The following WDR31 variants were observed in gnomAD, a reference collection of about 807,000 sequenced individuals.
WDR31 encodes the protein WD repeat domain 31.
Under a neutral mutation model 47.3 loss-of-function variants are expected in WDR31, and 30 were observed. The observed-to-expected ratio is 0.63, with a 90% CI of 0.47 to 0.86. The LOEUF (loss-of-function observed/expected upper bound fraction) is 0.86. Ranked by LOEUF, WDR31 falls within the 40% of genes least tolerant of loss-of-function variation. WDR31 has a pLI of 0.00. For missense variants in WDR31, 406 were observed against 442.9 expected, an observed-to-expected ratio of 0.92 and a Z score of 0.75; for synonymous variants, 137 against 159.4, an observed-to-expected ratio of 0.86 and a Z score of 1.06.
chr9:113,325,069 C>G (rs1187068856), intron 5 of WDR31, among the ~76,000 whole-genome samples: 1 of 151,976 alleles, frequency 6.6e-6, no homozygotes, highest in Non-Finnish European at 1.5e-5. Flanking sequence ...TCTCAGCCTC[C>G]TGCATAGCTG....
chr9:113,335,922 CA>C (rs1833706446), intron 2 of WDR31, among the ~76,000 whole-genome samples: 1 of 152,194 alleles, frequency 6.6e-6, no homozygotes, highest in South Asian at 2.1e-4. Context: ...TACTGTACAA[CA>C]AAAATACTTG....
In WDR31 at chr9:113,323,110, C is replaced by T; in HGVS notation, c.370G>A (p.Asp124Asn). The part of the protein sequence containing the change: ...KSSQFFSASR[D>N]RMVMMWDLHG... ...AAGTCCCACATCATGACCATCCTGT[C>T]ACGAGAGGCACTGAAGAACTGGCTG... Residue 124 changes from aspartate to asparagine, a missense_variant, in exon 6 of 11, where the codon GAC becomes AAC. Transcript: ENST00000374193. 1 of 1,614,146 alleles carries T rather than the reference C, an allele frequency of 6.2e-7. No homozygotes were observed.
At chr9:113,319,810 C>T (rs186861010) in intron 9 of WDR31, among the ~76,000 whole-genome samples, 1 of 152,134 alleles carries the variant, frequency 6.6e-6, no homozygotes, top group East Asian at 1.9e-4. Flanking sequence ...TCAAACAGTC[C>T]CTCCCCTCTC....
At chr9:113,332,206 A>G (rs1408956283) in intron 2 of WDR31, among the ~76,000 whole-genome samples, 156 bp from the exon 3 acceptor site, 1 of 152,230 alleles carries the variant, frequency 6.6e-6, no homozygotes, top group Non-Finnish European at 1.5e-5. Context: ...CAGACACACA[A>G]AAACAAAACT....
intron 4 of WDR31, among the ~76,000 whole-genome samples, chr9:113,330,557 TAG>T (rs1833574118): frequency 6.6e-6 from 1 of 152,180 alleles, no homozygotes; most frequent in African/African-American, 2.4e-5. Context: ...CATACCAGTG[TAG>T]AGAGCATAAA....
intron 5 of WDR31, among the ~76,000 whole-genome samples, chr9:113,326,702 G>C (rs1463540877): frequency 6.6e-6 from 1 of 152,102 alleles, no homozygotes; most frequent in Non-Finnish European, 1.5e-5. Flanking sequence ...TTGAACTCCT[G>C]AGCTCAAGCA....
rs1440506402 is a variant in WDR31, at chr9:113,331,086, A to G, written c.147T>C (p.Ile49=). 3 of 1,573,004 alleles carry G rather than the reference A, an allele frequency of 1.9e-6. No individual in the cohort carries two copies. The highest frequency in any genetic ancestry group is 1.7e-6 in the Non-Finnish European group (2 of 1,154,118). The part of the protein sequence containing the change: ...GRPDEIIEER[I]QTKAFQEYSP... Reference sequence around the variant, plus strand: ...TATACTCTTGAAAAGCTTTAGTTTGAATTCTCTCTTCTATAATTTCATCAG... The same window carrying G: ...TATACTCTTGAAAAGCTTTAGTTTGGATTCTCTCTTCTATAATTTCATCAG... Residue 49 remains isoleucine, a synonymous_variant, in exon 4 of 11, where the codon ATT becomes ATC. Transcript: ENST00000374193.
chr9:113,320,602 A>G, intron 8 of WDR31, 104 bp from the exon 9 acceptor site: 4 of 1,410,218 alleles, frequency 2.8e-6, no homozygotes, highest in Non-Finnish European at 3.8e-6. Context: ...TGCATAGGCC[A>G]GTCAGATTGG....
Position 113,324,828 on chromosome 9 carries a change from A to ATGTGTGTG in WDR31, c.325-1681_325-1674dup, listed in dbSNP as rs57088850. Among the ~76,000 whole-genome samples, 980 of 138,148 alleles carry ATGTGTGTG rather than the reference A, an allele frequency of 7.1e-3. 8 individuals carry two copies. Among genetic ancestry groups the ATGTGTGTG allele is most frequent in the East Asian group, 0.016 (71 of 4,484 alleles). The allele number at this position is 138,148 out of a possible 152,430, so 90.6% of individuals were successfully genotyped here. On this transcript the variant is annotated intron_variant, in intron 5 of 10. Coordinates refer to ENST00000374193, the MANE Select transcript of WDR31 (RefSeq NM_001012361.4). ...ATAAACAATGCTGCTATATATATAT[A>ATGTGTGTG]TGTGTGTGTGTGTGTGTGTGTGTGT...
In WDR31 at chr9:113,326,027, T is replaced by A. The variant is rs1450775188; in HGVS notation, c.324+2854A>T. Among the ~76,000 whole-genome samples the A allele has an allele frequency of 3.3e-5, 5 of 152,236 alleles. No homozygotes were observed. The East Asian group carries it at 9.6e-4, about 29-fold the overall frequency. Reference sequence around the variant, plus strand: ...CCTGGGTTCAAGTGATTCTCCTGCCTCAGCCTCTCGAGTAGCTGGGTTTAC... The same window carrying A: ...CCTGGGTTCAAGTGATTCTCCTGCCACAGCCTCTCGAGTAGCTGGGTTTAC... On this transcript the variant is annotated intron_variant, in intron 5 of 10. Transcript: ENST00000374193.
chr9:113,326,821 A>G (rs1833481113), intron 5 of WDR31, among the ~76,000 whole-genome samples: 1 of 151,836 alleles, frequency 6.6e-6, no homozygotes, highest in African/African-American at 2.4e-5. Flanking sequence ...TTTCTCTCCC[A>G]GATAATTCTT....
intron 2 of WDR31, among the ~76,000 whole-genome samples, 167 bp from the exon 3 acceptor site, chr9:113,332,217 G>A (rs2118844251): frequency 6.6e-6 from 1 of 152,282 alleles, no homozygotes; most frequent in South Asian, 2.1e-4. Context: ...AAACAAAACT[G>A]ATTTTAAAAA....
In WDR31 at chr9:113,330,978, C is replaced by T. The variant is rs1833582990; in HGVS notation, c.249+6G>A. 1.3e-6 allele frequency: 2 copies of T among 1,598,560 alleles called. No individual in the cohort carries two copies. Among genetic ancestry groups the T allele is most frequent in the Non-Finnish European group, 1.7e-6 (2 of 1,170,158 alleles). ...TTCATTTCCCGGGAAACACTGCAAA[C>T]CCCACCTTATCTTTCCCTCCAGAGA... On this transcript the variant is annotated splice_donor_region_variant and intron_variant, in intron 4 of 10. Coordinates refer to ENST00000374193, the MANE Select transcript of WDR31 (RefSeq NM_001012361.4).
intron 2 of WDR31, 44 bp from the exon 3 acceptor site, chr9:113,332,094 C>A (rs1833611850): frequency 1.5e-6 from 2 of 1,349,330 alleles, no homozygotes; most frequent in Admixed American, 3.6e-5. Flanking sequence ...TTTTGTTAGG[C>A]ACAATAGTAT....
intron 2 of WDR31, among the ~76,000 whole-genome samples, chr9:113,333,822 G>T (rs531061603): frequency 6.6e-6 from 1 of 152,254 alleles, no homozygotes; most frequent in South Asian, 2.1e-4. Context: ...CTTAAAGTGT[G>T]ATCCATGGAA....
rs1212772991 is a variant in WDR31 at position 113,321,581 on chromosome 9, A to G, written c.571-3T>C. On this transcript the variant is annotated splice_polypyrimidine_tract_variant and splice_region_variant and intron_variant, in intron 7 of 10. Coordinates refer to ENST00000374193, the MANE Select transcript of WDR31 (RefSeq NM_001012361.4). ...GGGACCCAGCACAGGTGAGTGACCT[A>G]GAAAAAGCAAAATGTTCAGAACTTC... The G allele has an allele frequency of 1.2e-6, 2 of 1,614,100 alleles. No individual in the cohort carries two copies. The highest frequency in any genetic ancestry group is 1.7e-6 in the Non-Finnish European group (2 of 1,179,984).
At chr9:113,328,991 T>G (rs918305269) in intron 4 of WDR31, 36 bp from the exon 5 acceptor site, 70 of 1,578,864 alleles carry the variant, frequency 4.4e-5, no homozygotes, top group Non-Finnish European at 6.0e-5. Flanking sequence ...CATTACTCAA[T>G]TCTTGTTAAA....
At position 113,321,517 on chromosome 9, in the gene WDR31, G is replaced by A; in HGVS notation, c.632C>T (p.Thr211Ile). 6.2e-7 allele frequency: 1 copy of A among 1,614,130 alleles called. No homozygotes were observed. Among genetic ancestry groups the A allele is most frequent in the Non-Finnish European group, 8.5e-7 (1 of 1,180,008 alleles). The change falls in exon 8 of 11, where the codon ACC (threonine) becomes ATC (isoleucine). Residue 211 changes from threonine to isoleucine, a missense_variant. Physicochemically the swap from Thr to Ile is moderately conservative, Grantham distance 89 (BLOSUM62 -1). Transcript: ENST00000374193. ...AGCTGCTCAGTAAGCCCACCTGAGG[G>A]TTTTATCTTCAGAGGTCTGTAGTAT... ...PYILQTSEDK[T>I]LRLWDSRGLQ...
chr9:113,329,097 TG>T, intron 4 of WDR31, 142 bp from the exon 5 acceptor site: 1 of 721,112 alleles, frequency 1.4e-6, no homozygotes, highest in South Asian at 1.7e-5. Context: ...CGGGGTTCCC[TG>T]TTGTGGCCGT....
Sources: allele counts gnomAD v4.1 joint callset (sites outside exome capture counted in the v4.1 genomes callset), GRCh38; gene constraint gnomAD v4.1.1; transcripts MANE v1.5; gene names NCBI Gene and HGNC (gene_info 2026-07-23, HGNC 2026-07-21).